Variants in ENTREP2 observed in about 807,000 individuals in gnomAD.
ENTREP2 encodes the protein protein ENTREP2.
chr15:29,191,324 A>G, the ENTREP2 span, among the ~76,000 whole-genome samples: 13 of 152,162 alleles, frequency 8.5e-5, no homozygotes, highest in Non-Finnish European at 1.6e-4. Context: ...AGGGTTAGGA[A>G]TCTGCCTTAG....
the ENTREP2 span, among the ~76,000 whole-genome samples, chr15:29,523,055 G>A: frequency 6.6e-6 from 1 of 152,310 alleles, no homozygotes; most frequent in Non-Finnish European, 1.5e-5. Context: ...TCATGCTCAG[G>A]AAAGGCCTGG....
the ENTREP2 span, chr15:29,120,141 C>CT: frequency 6.6e-6 from 1 of 152,240 alleles, no homozygotes; most frequent in East Asian, 1.9e-4. Flanking sequence ...CATGGGTATC[C>CT]CAGGCTCCCC....
At chr15:29,283,089 C>T in the ENTREP2 span, among the ~76,000 whole-genome samples, 1 of 152,180 alleles carries the variant, frequency 6.6e-6, no homozygotes, top group African/African-American at 2.4e-5. Context: ...AGACAGTCTG[C>T]ATCTCTGGCA....
the ENTREP2 span, among the ~76,000 whole-genome samples, chr15:29,577,313 G>GGGGTGTGTGT: frequency 7.2e-6 from 1 of 139,802 alleles, no homozygotes; most frequent in Non-Finnish European, 1.5e-5. Context: ...GACTCAAAGA[G>GGGGTGTGTGT]GTGTGTGTGT....
chr15:29,595,786 T>C, the ENTREP2 span, among the ~76,000 whole-genome samples: 1 of 152,332 alleles, frequency 6.6e-6, no homozygotes, highest in African/African-American at 2.4e-5. Context: ...GTCTCATGGA[T>C]ATTTATGTTT....
At chr15:29,348,999 G>T in the ENTREP2 span, among the ~76,000 whole-genome samples, 2 of 152,200 alleles carry the variant, frequency 1.3e-5, no homozygotes, top group Admixed American at 1.3e-4. Context: ...CTCATCAACT[G>T]AAGTTGCAAT....
the ENTREP2 span, among the ~76,000 whole-genome samples, chr15:29,335,723 GACAGTCCCC>G: frequency 0.062 from 9,413 of 152,232 alleles, 740 homozygotes; most frequent in African/African-American, 0.18. Context: ...GCCCAGCTAA[GACAGTCCCC>G]ACAGAACCTG....
chr15:29,674,829 CT>C, the ENTREP2 span, among the ~76,000 whole-genome samples: 374 of 152,182 alleles, frequency 2.5e-3, 1 homozygote, highest in African/African-American at 8.4e-3. Context: ...TCCTTCCCCG[CT>C]GCCTCCGCCT....
the ENTREP2 span, among the ~76,000 whole-genome samples, chr15:29,297,447 A>T: frequency 6.6e-6 from 1 of 152,224 alleles, no homozygotes; most frequent in Non-Finnish European, 1.5e-5. Flanking sequence ...AGATAAAGGG[A>T]AATAACAAAG....
chr15:29,487,305 AC>A, the ENTREP2 span, among the ~76,000 whole-genome samples: 1 of 152,328 alleles, frequency 6.6e-6, no homozygotes. Flanking sequence ...CCAGTCTTTC[AC>A]CTCTGGATGA....
chr15:29,120,103 G>C, the ENTREP2 span, among the ~76,000 whole-genome samples: 1 of 152,160 alleles, frequency 6.6e-6, no homozygotes. Context: ...ACCCTCTCCG[G>C]AAGGCTTCTG....
At chr15:29,235,691 C>T in the ENTREP2 span, among the ~76,000 whole-genome samples, 14 of 152,218 alleles carry the variant, frequency 9.2e-5, no homozygotes, top group African/African-American at 3.4e-4. Flanking sequence ...AGCGGCTGGG[C>T]GTGTTAGCTC....
At chr15:29,248,588 CATA>C in the ENTREP2 span, among the ~76,000 whole-genome samples, 1 of 151,874 alleles carries the variant, frequency 6.6e-6, no homozygotes, top group African/African-American at 2.4e-5. Flanking sequence ...GAATATATGA[CATA>C]ATTACACATA....
the ENTREP2 span, among the ~76,000 whole-genome samples, chr15:29,603,173 G>A: frequency 6.6e-6 from 1 of 152,204 alleles, no homozygotes; most frequent in Non-Finnish European, 1.5e-5. Flanking sequence ...TGCCAGAAGA[G>A]ATGTGATGTG....
At chr15:29,173,159 G>A in the ENTREP2 span, among the ~76,000 whole-genome samples, 1 of 152,146 alleles carries the variant, frequency 6.6e-6, no homozygotes, top group African/African-American at 2.4e-5. Flanking sequence ...AACCAGCCTG[G>A]GCACGTGTCC....
At chr15:29,386,316 C>T in the ENTREP2 span, among the ~76,000 whole-genome samples, 6 of 152,288 alleles carry the variant, frequency 3.9e-5, no homozygotes, top group African/African-American at 1.4e-4. Context: ...CAACCCTAGA[C>T]GATGCCGTGG....
At chr15:29,137,960 G>T in the ENTREP2 span, among the ~76,000 whole-genome samples, 1 of 152,102 alleles carries the variant, frequency 6.6e-6, no homozygotes, top group Admixed American at 6.6e-5. Flanking sequence ...CAATCTGTGG[G>T]AAATGCCACA....
At chr15:29,602,529 A>G in the ENTREP2 span, among the ~76,000 whole-genome samples, 1 of 151,890 alleles carries the variant, frequency 6.6e-6, no homozygotes, top group Admixed American at 6.6e-5. Flanking sequence ...TTATTATTTT[A>G]TTATTTATAT....
At chr15:29,633,162 A>G in the ENTREP2 span, among the ~76,000 whole-genome samples, 1 of 152,174 alleles carries the variant, frequency 6.6e-6, no homozygotes, top group South Asian at 2.1e-4. Flanking sequence ...AGTGTGCCCC[A>G]GGATTCTGTG....
Sources: allele counts gnomAD v4.1 joint callset (sites outside exome capture counted in the v4.1 genomes callset), GRCh38; gene constraint gnomAD v4.1.1; transcripts MANE v1.5; gene names NCBI Gene and HGNC (gene_info 2026-07-23, HGNC 2026-07-21).